The following IL12RB2 variants were observed in gnomAD, a reference collection of about 807,000 sequenced individuals.
IL12RB2 encodes the protein interleukin-12 receptor subunit beta-2.
In IL12RB2, 82 loss-of-function variants were observed where a neutral mutation model predicts 89.4. That is an observed-to-expected ratio of 0.92 (90% confidence interval 0.77 to 1.10). The LOEUF (loss-of-function observed/expected upper bound fraction) is 1.10, where lower values mean the gene tolerates loss of function less well. Ranked by LOEUF, IL12RB2 falls within the 50% of genes least tolerant of loss-of-function variation. IL12RB2 has a pLI of 0.00. For missense variants in IL12RB2, 963 were observed against 1,031.9 expected, an observed-to-expected ratio of 0.93 and a Z score of 0.92; for synonymous variants, 368 against 370.1, an observed-to-expected ratio of 0.99 and a Z score of 0.07.
rs780202813 is a variant in IL12RB2 at position 67,367,959 on chromosome 1, G to A, written c.1393G>A (p.Gly465Ser). ...GGAATGGAGAGAGCTCCATCCAGGG[G>A]GTGACACACAGGTCCCTCTAAACTG... Reference protein sequence around the residue: ...VVEWRELHPGGDTQVPLNWLR... With the variant: ...VVEWRELHPGSDTQVPLNWLR... The change falls in exon 11 of 17, where the codon GGT becomes AGT. Residue 465 changes from glycine (G) to serine (S), a missense_variant. Gly to Ser is a moderately conservative substitution (Grantham distance 56). Transcript: ENST00000674203. The A allele has an allele frequency of 1.9e-6, 3 of 1,610,528 alleles. No individual in the cohort carries two copies. Among genetic ancestry groups the A allele is most frequent in the East Asian group, 2.2e-5 (1 of 44,864 alleles).
intron 14 of IL12RB2, among the ~76,000 whole-genome samples, chr1:67,382,742 A>G (rs1357074462): frequency 1.5e-5 from 2 of 129,422 alleles, no homozygotes; most frequent in Non-Finnish European, 3.2e-5. Context: ...GTCTCACTCT[A>G]TTGTCCAGGC....
intron 8 of IL12RB2, among the ~76,000 whole-genome samples, chr1:67,332,561 A>T (rs1658234371): frequency 6.6e-6 from 1 of 152,246 alleles, no homozygotes; most frequent in East Asian, 1.9e-4. Context: ...CACTCATTTT[A>T]TAATAAAATC....
At chr1:67,386,786 C>G in intron 15 of IL12RB2, 117 bp downstream of exon 15, 1 of 760,032 alleles carries the variant, frequency 1.3e-6, no homozygotes. Context: ...AGAGACTAAA[C>G]TTATTTAACC....
intron 4 of IL12RB2, among the ~76,000 whole-genome samples, chr1:67,325,815 A>G (rs142094981): frequency 6.5e-4 from 99 of 152,332 alleles, no homozygotes; most frequent in Non-Finnish European, 1.0e-3. Context: ...TAAAGGAAAT[A>G]TGTATCTACA....
chr1:67,386,978 A>C (rs1010267002), intron 15 of IL12RB2, among the ~76,000 whole-genome samples: 3 of 138,334 alleles, frequency 2.2e-5, no homozygotes, highest in Middle Eastern at 3.5e-3. Flanking sequence ...GCCCAGGCTG[A>C]AGTGCAATGG....
chr1:67,397,098 G>T lies in IL12RB2; in HGVS notation c.*1009G>T, dbSNP rs1666416728. 2.0e-5 allele frequency among the ~76,000 whole-genome samples: 3 copies of T among 150,788 alleles called. No individual in the cohort carries two copies. The South Asian group carries it at 6.3e-4, about 32-fold the overall frequency. On this transcript the variant is annotated 3_prime_UTR_variant, in exon 17 of 17. Transcript: ENST00000674203. The stretch of plus-strand genomic sequence containing the variant: ...GCTTGCAGTGAGCCACTGCACTCCA[G>T]CCTGGGCAACAGAGCAAGACTCTGT...
chr1:67,321,599 C>T lies in IL12RB2; in HGVS notation c.77-3C>T. On this transcript the variant is annotated splice_region_variant and splice_polypyrimidine_tract_variant and intron_variant, in intron 3 of 16. Transcript: ENST00000674203. ...TAAATATTGCATCTGTATCTTATTG[C>T]AGATGCGTGCAAGAGAGGCGATGTG... The T allele has an allele frequency of 6.3e-7, 1 of 1,581,600 alleles. No homozygotes were observed. Among genetic ancestry groups the T allele is most frequent in the Non-Finnish European group, 8.7e-7 (1 of 1,150,878 alleles).
chr1:67,363,830 C>T (rs1570063719), intron 10 of IL12RB2, among the ~76,000 whole-genome samples: 2 of 152,060 alleles, frequency 1.3e-5, no homozygotes, highest in African/African-American at 4.8e-5. Flanking sequence ...AGAAATATAA[C>T]TGATATGCTA....
intron 10 of IL12RB2, among the ~76,000 whole-genome samples, chr1:67,353,660 A>G (rs927371856): frequency 9.9e-5 from 15 of 152,206 alleles, no homozygotes; most frequent in Admixed American, 3.3e-4. Flanking sequence ...ATAGATCAAA[A>G]TGTTAACAGA....
chr1:67,368,035 T>G lies in IL12RB2; in HGVS notation c.1459+10T>G. 1 of 1,538,328 alleles carries G rather than the reference T, an allele frequency of 6.5e-7. No homozygotes were observed. Among genetic ancestry groups the G allele is most frequent in the Non-Finnish European group, 9.0e-7 (1 of 1,111,036 alleles). ...TCTGCTCTGATTTCAGGTACCTAAT[T>G]GTTCACCTTCCTTCTAGAGGGTTAC... On this transcript the variant is annotated intron_variant, in intron 11 of 16. Coordinates refer to ENST00000674203, the MANE Select transcript of IL12RB2 (RefSeq NM_001374259.2).
At chr1:67,393,314 T>C (rs1241806044) in intron 16 of IL12RB2, among the ~76,000 whole-genome samples, 4 of 152,212 alleles carry the variant, frequency 2.6e-5, no homozygotes, top group African/African-American at 9.6e-5. Context: ...CTTAAAATAG[T>C]GTCCATGAGG....
chr1:67,372,745 G>A lies in IL12RB2; in HGVS notation c.1679G>A (p.Trp560Ter). The change falls in exon 13 of 17, where the codon TGG (tryptophan) becomes TAG (stop). Residue 560 changes from tryptophan to a stop codon, truncating the protein, a stop_gained. Coordinates refer to ENST00000674203, the MANE Select transcript of IL12RB2 (RefSeq NM_001374259.2). LOFTEE classifies it high-confidence loss of function. ...TGCCTCCTCCATTATAGGATATACT[G>A]GAAGGAACGGGACTCCAACTCCCAG... ...MGCLLHYRIY[W>*]KERDSNSQPQ... The A allele has an allele frequency of 1.2e-6, 2 of 1,608,256 alleles. No homozygotes were observed. Among genetic ancestry groups the A allele is most frequent in the East Asian group, 2.2e-5 (1 of 44,840 alleles).
At chr1:67,375,731 G>A (rs1485485507) in intron 13 of IL12RB2, among the ~76,000 whole-genome samples, 1 of 151,956 alleles carries the variant, frequency 6.6e-6, no homozygotes, top group Non-Finnish European at 1.5e-5. Flanking sequence ...CCAGGTATCT[G>A]GATTGTAATG....
At chr1:67,361,753 AT>A (rs1662073363) in intron 10 of IL12RB2, among the ~76,000 whole-genome samples, 2 of 152,166 alleles carry the variant, frequency 1.3e-5, no homozygotes, top group African/African-American at 4.8e-5. Flanking sequence ...ACAATAATGA[AT>A]GAGAATTTAT....
intron 2 of IL12RB2, among the ~76,000 whole-genome samples, chr1:67,316,421 A>AGTGTGTGTGTGT (rs71062410): frequency 0.12 from 17,448 of 146,076 alleles, 1,119 homozygotes; most frequent in Middle Eastern, 0.16. Context: ...TCCCCAGAGT[A>AGTGTGTGTGTGT]GTGTGTGTGT....
intron 16 of IL12RB2, among the ~76,000 whole-genome samples, chr1:67,391,262 T>G (rs1665778849): frequency 6.6e-6 from 1 of 151,754 alleles, no homozygotes; most frequent in African/African-American, 2.4e-5. Context: ...CAAAGATCAT[T>G]CACTTTCTTC....
intron 13 of IL12RB2, among the ~76,000 whole-genome samples, chr1:67,373,231 C>T (rs1168216806): frequency 6.6e-6 from 1 of 152,206 alleles, no homozygotes; most frequent in Non-Finnish European, 1.5e-5. Flanking sequence ...GCCTCAGCCT[C>T]CCAAGTAGTG....
At chr1:67,360,090 G>T (rs1661848820) in intron 10 of IL12RB2, among the ~76,000 whole-genome samples, 1 of 152,096 alleles carries the variant, frequency 6.6e-6, no homozygotes, top group Non-Finnish European at 1.5e-5. Flanking sequence ...TCACAGTTTT[G>T]TGAGTTTTAT....
intron 7 of IL12RB2, among the ~76,000 whole-genome samples, chr1:67,330,122 A>G (rs1176280169): frequency 6.6e-6 from 1 of 152,164 alleles, no homozygotes; most frequent in East Asian, 1.9e-4. Flanking sequence ...ACAATTTAAT[A>G]TAATATTAGG....
Sources: gnomAD v4.1 joint callset for allele counts (sites outside exome capture counted in the v4.1 genomes callset) on GRCh38, gnomAD v4.1.1 for gene constraint, MANE v1.5 for transcripts, NCBI Gene and HGNC (gene_info 2026-07-23, HGNC 2026-07-21) for gene names.